Variants in TSPEAR observed in about 807,000 individuals in gnomAD.
TSPEAR encodes the protein thrombospondin type laminin G domain and EAR repeats.
Under a neutral mutation model 71.6 loss-of-function variants are expected in TSPEAR, and 69 were observed. The ratio of observed to expected loss-of-function variants is 0.96; its 90% confidence interval spans 0.79 to 1.18. TSPEAR has a LOEUF of 1.18. Among genes scored for constraint, TSPEAR ranks in the 50% most tolerant of loss-of-function variants. TSPEAR has a pLI of 0.00. For missense variants in TSPEAR, 971 were observed against 894.9 expected (o/e 1.09, Z -1.09); for synonymous variants, 402 against 387.2 (o/e 1.04, Z -0.45).
At chr21:44,622,087 A>T (rs1207421275) in intron 1 of TSPEAR, among the ~76,000 whole-genome samples, 1 of 152,206 alleles carries the variant, frequency 6.6e-6, no homozygotes, top group African/African-American at 2.4e-5. Flanking sequence ...TTCCCTAAAG[A>T]GCAGGTACAG....
chr21:44,635,322 G>T (rs1338216313), intron 1 of TSPEAR, among the ~76,000 whole-genome samples: 1 of 146,410 alleles, frequency 6.8e-6, no homozygotes, highest in Non-Finnish European at 1.5e-5. Context: ...CTCCAGCCTG[G>T]GTGACAGAGG....
chr21:44,677,697 T>C, intron 1 of TSPEAR: 1 of 1,420,584 alleles, frequency 7.0e-7, no homozygotes, highest in Non-Finnish European at 9.9e-7. Flanking sequence ...TCCCTTTTGT[T>C]TTTGGAGTTG....
At position 44,646,889 on chromosome 21, in the gene TSPEAR, C is replaced by T. The variant is rs782411971; in HGVS notation, c.82+64544G>A. 22 of 1,612,234 alleles carry T rather than the reference C, an allele frequency of 1.4e-5. No homozygotes were observed. The East Asian group carries it at 1.8e-4, about 13-fold the overall frequency. ...TGCTGTGCCTCTTCCTCCTGCCAGC[C>T]GGCCTGCTGTGTGCCCGTCTGCTGC... On this transcript the variant is annotated intron_variant, in intron 1 of 11. Coordinates refer to ENST00000323084, the MANE Select transcript of TSPEAR (RefSeq NM_144991.3).
chr21:44,525,357 T>G (rs2052833259), intron 8 of TSPEAR, among the ~76,000 whole-genome samples: 1 of 152,144 alleles, frequency 6.6e-6, no homozygotes, highest in Non-Finnish European at 1.5e-5. Context: ...AGTTAGGTAG[T>G]TAATCAGCTA....
chr21:44,636,208 G>C (rs868981945), intron 1 of TSPEAR, among the ~76,000 whole-genome samples: 4 of 152,332 alleles, frequency 2.6e-5, no homozygotes, highest in Middle Eastern at 6.8e-3. Flanking sequence ...GAGGCATGTG[G>C]ACCGGTCTCC....
chr21:44,517,836 GT>G (rs1293590045), intron 9 of TSPEAR: 1 of 471,116 alleles, frequency 2.1e-6, no homozygotes, highest in Non-Finnish European at 4.4e-6. Flanking sequence ...TGCTTTGAAG[GT>G]AACTTTCCTT....
At chr21:44,661,237 G>A (rs112145984) in intron 1 of TSPEAR, among the ~76,000 whole-genome samples, 7,390 of 136,752 alleles carry the variant, frequency 0.054, 659 homozygotes, top group African/African-American at 0.19. Flanking sequence ...CCGAGATCGC[G>A]CCACTGCACT....
intron 2 of TSPEAR, chr21:44,539,347 G>A (rs782052279): frequency 2.1e-5 from 34 of 1,612,152 alleles, no homozygotes; most frequent in South Asian, 6.6e-5. Flanking sequence ...GGAGGGACAC[G>A]CAGGAGGCCG....
chr21:44,568,609 G>A (rs992884201), intron 1 of TSPEAR, among the ~76,000 whole-genome samples: 1 of 152,164 alleles, frequency 6.6e-6, no homozygotes, highest in Non-Finnish European at 1.5e-5. Flanking sequence ...GGCCTCCTCC[G>A]AGGCCAGGTG....
chr21:44,703,652 T>C (rs900093670), intron 1 of TSPEAR, among the ~76,000 whole-genome samples: 8 of 152,136 alleles, frequency 5.3e-5, no homozygotes, highest in Non-Finnish European at 1.0e-4. Context: ...TGGCAACACC[T>C]CTTCTGTGGC....
chr21:44,579,567 G>A (rs1891913054), intron 1 of TSPEAR: 1 of 687,582 alleles, frequency 1.5e-6, no homozygotes, highest in East Asian at 2.7e-5. Context: ...GGACCCAACA[G>A]GCAGGTGGGC....
chr21:44,600,977 G>A, intron 1 of TSPEAR: 1 of 1,612,078 alleles, frequency 6.2e-7, no homozygotes, highest in Non-Finnish European at 8.5e-7. Flanking sequence ...AAGACTGTCT[G>A]CTGCAAGCCT....
intron 9 of TSPEAR, chr21:44,518,329 C>A (rs907686608): frequency 2.1e-6 from 1 of 467,426 alleles, no homozygotes; most frequent in Non-Finnish European, 4.4e-6. Context: ...ACGCAGCTGG[C>A]CAGGTACGCT....
chr21:44,589,034 T>G (rs1979560864), intron 1 of TSPEAR, among the ~76,000 whole-genome samples: 1 of 152,002 alleles, frequency 6.6e-6, no homozygotes, highest in Non-Finnish European at 1.5e-5. Flanking sequence ...GATAAAAAAC[T>G]ACAAATAGGG....
chr21:44,647,138 C>T (rs1181179740), intron 1 of TSPEAR: 9 of 1,614,062 alleles, frequency 5.6e-6, no homozygotes, highest in Non-Finnish European at 6.8e-6. Context: ...GCTTGCTGCA[C>T]CACCTCCTGC....
At chr21:44,708,046 CCA>C (rs1262817476) in intron 1 of TSPEAR, among the ~76,000 whole-genome samples, 1 of 136,246 alleles carries the variant, frequency 7.3e-6, no homozygotes, top group Admixed American at 7.8e-5. Context: ...CACACACACA[CCA>C]CACAGCACGA....
intron 10 of TSPEAR, among the ~76,000 whole-genome samples, chr21:44,505,454 G>A (rs1406300003): frequency 1.3e-5 from 2 of 151,280 alleles, no homozygotes; most frequent in Non-Finnish European, 1.5e-5. Context: ...CACAGATCAG[G>A]GGCATTAAGC....
intron 1 of TSPEAR, chr21:44,637,620 G>A: frequency 1.2e-6 from 2 of 1,613,938 alleles, no homozygotes; most frequent in Middle Eastern, 1.7e-4. Context: ...GGCTACACCA[G>A]CTCCTGCACA....
chr21:44,577,439 A>G (rs587677339), intron 1 of TSPEAR, among the ~76,000 whole-genome samples: 3 of 152,306 alleles, frequency 2.0e-5, no homozygotes, highest in African/African-American at 7.2e-5. Context: ...AGGAAGCTTT[A>G]CTCATGGTGG....
Sources: allele counts gnomAD v4.1 joint callset (sites outside exome capture counted in the v4.1 genomes callset), GRCh38; gene constraint gnomAD v4.1.1; transcripts MANE v1.5; gene names NCBI Gene and HGNC (gene_info 2026-07-23, HGNC 2026-07-21).